The following BLCAP variants were observed in gnomAD, a reference collection of about 807,000 sequenced individuals.
BLCAP encodes the protein BLCAP apoptosis inducing factor.
A neutral mutation model predicts 5.7 loss-of-function variants in BLCAP; 1 was observed. That is an observed-to-expected ratio of 0.18 (90% CI 0.06 to 0.83). The LOEUF is 0.83. Among genes scored for constraint, BLCAP ranks in the 40% least tolerant of loss-of-function variants. The probability of loss-of-function intolerance (pLI) is 0.71; values close to 1 mark genes in which losing one functional copy is unlikely to be tolerated. For synonymous variants in BLCAP, 48 were observed against 49.4 expected, an observed-to-expected ratio of 0.97 and a Z score of 0.11; for missense variants, 66 against 107.6, an observed-to-expected ratio of 0.61 and a Z score of 1.71.
At chr20:37,522,407 C>T in intron 1 of BLCAP, 1 of 1,614,014 alleles carries the variant, frequency 6.2e-7, no homozygotes. Flanking sequence ...TTTCGAAATC[C>T]TCCAGGGACA....
chr20:37,518,649 TG>T lies in BLCAP; in HGVS notation c.*261del. ...CCTCACAGTAATGAGGCGAGAGGGGTGGTCATGCGGCCAGCCAGGACCTAGA... is the reference window on the plus strand; with the variant it reads ...CCTCACAGTAATGAGGCGAGAGGGGTGTCATGCGGCCAGCCAGGACCTAGA... On this transcript the variant is annotated 3_prime_UTR_variant, in exon 2 of 2. Coordinates refer to ENST00000373537, the MANE Select transcript of BLCAP (RefSeq NM_006698.4). The T allele has an allele frequency of 2.0e-6, 1 of 491,742 alleles. No homozygotes were observed. The highest frequency in any genetic ancestry group is 3.7e-6 in the Non-Finnish European group (1 of 273,560). The allele number at this position is 491,742 out of a possible 1,614,324, so 30.5% of individuals were successfully genotyped here.
In BLCAP at chr20:37,518,278, A is replaced by C. The variant is rs1390974980; in HGVS notation, c.*633T>G. 1.3e-5 allele frequency: 2 copies of C among 152,266 alleles called. No homozygotes were observed. The highest frequency in any genetic ancestry group is 4.8e-5 in the African/African-American group (2 of 41,442). The allele number at this position is 152,266 out of a possible 1,614,324, so 9.4% of individuals were successfully genotyped here. A position where few individuals can be genotyped will look rare whatever the true frequency, so the allele number is the denominator to read the frequency against. ...CTGTTGCTTCCTTTCTTAAAAATGA[A>C]GTGGAGAAAATACTGAAGATTTGTG... On this transcript the variant is annotated 3_prime_UTR_variant, in exon 2 of 2. Coordinates refer to ENST00000373537, the MANE Select transcript of BLCAP (RefSeq NM_006698.4).
At chr20:37,522,787 G>T in intron 1 of BLCAP, 2 of 1,552,270 alleles carry the variant, frequency 1.3e-6, no homozygotes, top group East Asian at 2.4e-5. Context: ...CTGGGCGGCC[G>T]TATCATCAGG....
At position 37,521,425 on chromosome 20, in the gene BLCAP, G is replaced by A. The variant is rs752988971; in HGVS notation, c.-176-2075C>T. Reference sequence around the variant, plus strand: ...GCAGGTAAGTCTGACGGGGTTTCGGGTGGGAGAGGGTTCCCAACTCGCGCC... The same window carrying A: ...GCAGGTAAGTCTGACGGGGTTTCGGATGGGAGAGGGTTCCCAACTCGCGCC... On this transcript the variant is annotated intron_variant, in intron 1 of 1. Transcript: ENST00000373537. The surrounding 1 kb of genome is among the most constrained non-coding windows in gnomAD (Gnocchi z 4.5). The A allele has an allele frequency of 2.2e-5, 35 of 1,612,702 alleles. No homozygotes were observed. In the East Asian group the frequency reaches 6.9e-4, roughly 32 times the overall value.
chr20:37,519,328 G>C lies in BLCAP; in HGVS notation c.-154C>G. 2 of 780,558 alleles carry C rather than the reference G, an allele frequency of 2.6e-6. No individual in the cohort carries two copies. Among genetic ancestry groups the C allele is most frequent in the Non-Finnish European group, 3.9e-6 (2 of 516,528 alleles). 48.4% of individuals were successfully genotyped at this position (780,558 alleles called of 1,614,324 possible). A position where few individuals can be genotyped will look rare whatever the true frequency, so the allele number is the denominator to read the frequency against. On this transcript the variant is annotated 5_prime_UTR_variant, in exon 2 of 2. Transcript: ENST00000373537. ...GCTGTGCTCTCTGGCTGTCAGCCCG[G>C]GATCACCAAGGCAGCAGGGATCCTG... is the stretch of plus-strand genomic sequence containing the variant.
At chr20:37,522,572 C>CGGGGCAGGGGGT in intron 1 of BLCAP, 2 of 578,856 alleles carry the variant, frequency 3.5e-6, no homozygotes, top group South Asian at 4.1e-5. Flanking sequence ...GATGGGCGGG[C>CGGGGCAGGGGGT]GGGGCAGGGG....
chr20:37,523,881 C>G (rs1016103332), intron 1 of BLCAP, among the ~76,000 whole-genome samples: 1 of 152,186 alleles, frequency 6.6e-6, no homozygotes, highest in Admixed American at 6.5e-5. Context: ...CCATCTCCCC[C>G]TCTCCCCAAA....
chr20:37,519,261 G>A lies in BLCAP; in HGVS notation c.-87C>T. 6.9e-7 allele frequency: 1 copy of A among 1,446,862 alleles called. No individual in the cohort carries two copies. Among genetic ancestry groups the A allele is most frequent in the East Asian group, 2.5e-5 (1 of 40,186 alleles). 89.6% of individuals were successfully genotyped at this position (1,446,862 alleles called of 1,614,324 possible). A position where few individuals can be genotyped will look rare whatever the true frequency, so the allele number is the denominator to read the frequency against. On this transcript the variant is annotated 5_prime_UTR_variant, in exon 2 of 2. Transcript: ENST00000373537. ...TGGGAGCCAGCGGGCGCAGGCGGCT[G>A]CCCTCCGCTTTCTTCAACCCTCACT...
intron 1 of BLCAP, among the ~76,000 whole-genome samples, chr20:37,520,049 T>C (rs1348154170): frequency 6.6e-6 from 1 of 152,272 alleles, no homozygotes; most frequent in Admixed American, 6.5e-5. Context: ...TTGTCCAAAC[T>C]GAACTCGTTT....
intron 1 of BLCAP, among the ~76,000 whole-genome samples, chr20:37,522,189 A>T (rs1206201761): frequency 9.5e-5 from 7 of 73,682 alleles, no homozygotes; most frequent in East Asian, 5.1e-4. Context: ...ACAAAAAAAA[A>T]AATAATAATA....
chr20:37,522,822 C>A, intron 1 of BLCAP: 2 of 1,450,010 alleles, frequency 1.4e-6, no homozygotes, highest in South Asian at 1.3e-5. Flanking sequence ...TCGGCCAGCA[C>A]GGGAGCCAGT....
intron 1 of BLCAP, chr20:37,526,934 G>C (rs1267034960): frequency 1.3e-5 from 2 of 152,202 alleles, no homozygotes; most frequent in African/African-American, 4.8e-5. Context: ...GTCAGGCAGG[G>C]CAGAGAAGCC....
At chr20:37,522,604 C>T (rs1601094397) in intron 1 of BLCAP, 1 of 1,493,866 alleles carries the variant, frequency 6.7e-7, no homozygotes, top group East Asian at 2.5e-5. Flanking sequence ...GTGGGCACGG[C>T]AGCACCACAG....
At chr20:37,527,672 G>A (rs1275051174) in intron 1 of BLCAP, 121 bp downstream of exon 1, 1 of 152,446 alleles carries the variant, frequency 6.6e-6, no homozygotes, top group Non-Finnish European at 1.5e-5. Flanking sequence ...GGGGTATGCG[G>A]AAGGAAAACC....
intron 1 of BLCAP, among the ~76,000 whole-genome samples, chr20:37,525,826 C>T (rs1381294811): frequency 6.6e-6 from 1 of 152,218 alleles, no homozygotes; most frequent in Non-Finnish European, 1.5e-5. Flanking sequence ...TGAACGTCCC[C>T]TTTGCCTAAA....
chr20:37,522,136 T>C (rs1027933461), intron 1 of BLCAP, among the ~76,000 whole-genome samples: 5 of 76,202 alleles, frequency 6.6e-5, no homozygotes, highest in Non-Finnish European at 1.1e-4. Flanking sequence ...GAGAGAAAAA[T>C]AGAAGGGGAA....
rs995453738 is a variant in BLCAP, at chr20:37,521,232, G to A, written c.-176-1882C>T. 4 of 1,272,672 alleles carry A rather than the reference G, an allele frequency of 3.1e-6. No homozygotes were observed. Among genetic ancestry groups the A allele is most frequent in the Admixed American group, 3.4e-5 (2 of 58,374 alleles). The allele number at this position is 1,272,672 out of a possible 1,614,324, so 78.8% of individuals were successfully genotyped here. On this transcript the variant is annotated intron_variant, in intron 1 of 1. Transcript: ENST00000373537. The surrounding 1 kb of genome is among the most constrained non-coding windows in gnomAD (Gnocchi z 4.5). Reference sequence around the variant, plus strand: ...GGTGGCGGGCGGGTACTTAAGGCGCGGCCACCGCGGCTGCGGCAGTGCGCC... The same window carrying A: ...GGTGGCGGGCGGGTACTTAAGGCGCAGCCACCGCGGCTGCGGCAGTGCGCC...
Position 37,521,489 on chromosome 20 carries a change from C to T in BLCAP, c.-176-2139G>A, listed in dbSNP as rs2071570890. 2 of 1,333,604 alleles carry T rather than the reference C, an allele frequency of 1.5e-6. No homozygotes were observed. Among genetic ancestry groups the T allele is most frequent in the South Asian group, 1.2e-5 (1 of 84,468 alleles). The allele number at this position is 1,333,604 out of a possible 1,614,324, so 82.6% of individuals were successfully genotyped here. A position where few individuals can be genotyped will look rare whatever the true frequency, so the allele number is the denominator to read the frequency against. The stretch of plus-strand genomic sequence containing the variant: ...AGACTGCGTCGCGATTGCCGCTTCC[C>T]GGACCCGTCCTATTCCGATTGCCGC... On this transcript the variant is annotated intron_variant, in intron 1 of 1. Coordinates refer to ENST00000373537, the MANE Select transcript of BLCAP (RefSeq NM_006698.4). The surrounding 1 kb of genome is among the most constrained non-coding windows in gnomAD (Gnocchi z 4.5).
chr20:37,526,303 G>A (rs866233012), intron 1 of BLCAP, among the ~76,000 whole-genome samples: 17 of 97,708 alleles, frequency 1.7e-4, no homozygotes, highest in Middle Eastern at 0.014. Flanking sequence ...CCCCCTCAGA[G>A]ATTTAAACGT....
Sources: gnomAD v4.1 joint callset for allele counts (sites outside exome capture counted in the v4.1 genomes callset) on GRCh38, gnomAD v4.1.1 for gene constraint, Gnocchi (gnomAD v3.1) non-coding constraint, MANE v1.5 for transcripts, NCBI Gene and HGNC (gene_info 2026-07-23, HGNC 2026-07-21) for gene names.